Variants in MBD5 observed in about 807,000 individuals in gnomAD.
MBD5 encodes the protein methyl-CpG-binding domain protein 5.
A neutral mutation model predicts 117.3 loss-of-function variants in MBD5; 13 were observed. The observed-to-expected ratio is 0.11, with a 90% CI of 0.07 to 0.18. The LOEUF (loss-of-function observed/expected upper bound fraction) is 0.18, where lower values mean the gene tolerates loss of function less well. MBD5 is among the 10% of genes least tolerant of loss of function. The pLI is 1.00. For missense variants in MBD5, 1,879 were observed against 2,093.8 expected, an observed-to-expected ratio of 0.90 and a Z score of 2.00; for synonymous variants, 727 against 766.4, an observed-to-expected ratio of 0.95 and a Z score of 0.85.
At chr2:148,341,172 C>T (rs1176025238) in intron 3 of MBD5, among the ~76,000 whole-genome samples, 1 of 151,964 alleles carries the variant, frequency 6.6e-6, no homozygotes, top group African/African-American at 2.4e-5. Context: ...TCCTCCCACC[C>T]CAATACTGTT....
At chr2:148,280,151 CA>C (rs1474298212) in intron 3 of MBD5, among the ~76,000 whole-genome samples, 12 of 92,608 alleles carry the variant, frequency 1.3e-4, no homozygotes, top group African/African-American at 4.9e-4. Flanking sequence ...AAAAAAAAAA[CA>C]AAAAGAAAAA....
chr2:148,030,727 A>T (rs886810631), intron 1 of MBD5, among the ~76,000 whole-genome samples: 1 of 152,186 alleles, frequency 6.6e-6, no homozygotes, highest in African/African-American at 2.4e-5. Context: ...TCATGTAATG[A>T]TTTTTGATGA....
At chr2:148,034,405 C>T (rs879323164) in intron 1 of MBD5, among the ~76,000 whole-genome samples, 2 of 152,116 alleles carry the variant, frequency 1.3e-5, no homozygotes, top group African/African-American at 2.4e-5. Flanking sequence ...TGATTATCCT[C>T]GCACCTGAAA....
intron 1 of MBD5, among the ~76,000 whole-genome samples, chr2:148,063,774 T>G (rs2105012687): frequency 6.6e-6 from 1 of 152,246 alleles, no homozygotes; most frequent in African/African-American, 2.4e-5. Context: ...TGCTGTTTTC[T>G]TATTTTCCAA....
chr2:148,045,695 A>G (rs1049561510), intron 1 of MBD5, among the ~76,000 whole-genome samples: 1 of 152,174 alleles, frequency 6.6e-6, no homozygotes, highest in African/African-American at 2.4e-5. Context: ...TCACTTTCTC[A>G]AGTGTACTGG....
intron 4 of MBD5, among the ~76,000 whole-genome samples, chr2:148,447,987 C>T (rs1706619252): frequency 6.6e-6 from 1 of 152,034 alleles, no homozygotes; most frequent in Non-Finnish European, 1.5e-5. Flanking sequence ...TTTGGTTATA[C>T]TGAAACTCCC....
intron 1 of MBD5, among the ~76,000 whole-genome samples, chr2:148,056,834 A>G (rs1694878637): frequency 1.3e-5 from 2 of 151,866 alleles, no homozygotes; most frequent in Non-Finnish European, 2.9e-5. Flanking sequence ...AGTGAAATTC[A>G]TCTATAACCT....
At chr2:148,299,760 C>G (rs2106472997) in intron 3 of MBD5, among the ~76,000 whole-genome samples, 1 of 152,280 alleles carries the variant, frequency 6.6e-6, no homozygotes, top group East Asian at 1.9e-4. Flanking sequence ...TATGTATGAT[C>G]TCCATTTTCA....
chr2:148,206,292 G>T (rs997504167), intron 2 of MBD5, among the ~76,000 whole-genome samples: 6 of 152,010 alleles, frequency 3.9e-5, no homozygotes, highest in African/African-American at 7.3e-5. Flanking sequence ...TTACTAAGGG[G>T]AATCAGCCAA....
chr2:148,295,236 C>A (rs1328425063), intron 3 of MBD5, among the ~76,000 whole-genome samples: 8 of 152,090 alleles, frequency 5.3e-5, no homozygotes, highest in Admixed American at 1.3e-4. Flanking sequence ...TTACTACATT[C>A]TTTTTTCTCT....
At chr2:148,095,788 G>A (rs1414649859) in intron 1 of MBD5, among the ~76,000 whole-genome samples, 1 of 151,230 alleles carries the variant, frequency 6.6e-6, no homozygotes, top group Non-Finnish European at 1.5e-5. Flanking sequence ...TGCTATGAAC[G>A]AGAAGCATTT....
intron 4 of MBD5, among the ~76,000 whole-genome samples, chr2:148,427,482 CT>C (rs1342811232): frequency 1.3e-5 from 2 of 152,142 alleles, no homozygotes; most frequent in African/African-American, 2.4e-5. Flanking sequence ...AGTTCATGTC[CT>C]TTGTAGGGAC....
Position 148,513,404 on chromosome 2 carries a change from C to CA in MBD5, c.*464dup, listed in dbSNP as rs1682274725. The CA allele has an allele frequency of 5.9e-6, 1 of 168,098 alleles. No individual in the cohort carries two copies. Among genetic ancestry groups the CA allele is most frequent in the Non-Finnish European group, 1.3e-5 (1 of 76,596 alleles). 10.4% of individuals were successfully genotyped at this position (168,098 alleles called of 1,614,324 possible). Reference sequence around the variant, plus strand: ...AAAATTCTTTGGTTTCTATGGAGTACACCTACCAGAGACTACCAGTGTAAA... The same window carrying CA: ...AAAATTCTTTGGTTTCTATGGAGTACAACCTACCAGAGACTACCAGTGTAAA... On this transcript the variant is annotated 3_prime_UTR_variant, in exon 14 of 14. Transcript: ENST00000642680.
chr2:148,233,207 C>T (rs180945066), intron 2 of MBD5, 38 bp from the exon 3 acceptor site: 99 of 152,248 alleles, frequency 6.5e-4, no homozygotes, highest in African/African-American at 1.8e-3. Flanking sequence ...TGGATGTGTT[C>T]AAAATTGGTA....
intron 1 of MBD5, among the ~76,000 whole-genome samples, chr2:148,024,267 T>G (rs1222020705): frequency 6.6e-6 from 1 of 152,258 alleles, no homozygotes; most frequent in Admixed American, 6.5e-5. Flanking sequence ...AGGTTATTAC[T>G]ATTTTGAAAA....
At chr2:148,509,560 G>A (rs1318875981) in intron 12 of MBD5, among the ~76,000 whole-genome samples, 2 of 152,190 alleles carry the variant, frequency 1.3e-5, no homozygotes, top group African/African-American at 4.8e-5. Context: ...AACACGCACC[G>A]GCATTTCAGC....
intron 3 of MBD5, among the ~76,000 whole-genome samples, chr2:148,341,279 G>T (rs1313859938): frequency 1.3e-5 from 2 of 151,910 alleles, no homozygotes; most frequent in Admixed American, 6.6e-5. Context: ...CATACATCAG[G>T]CTGCTTAAAT....
At chr2:148,435,536 C>T (rs768959655) in intron 4 of MBD5, among the ~76,000 whole-genome samples, 2 of 151,960 alleles carry the variant, frequency 1.3e-5, no homozygotes, top group Non-Finnish European at 2.9e-5. Context: ...CTTAGATGGA[C>T]ATTTTTTTCT....
intron 1 of MBD5, among the ~76,000 whole-genome samples, chr2:148,175,144 G>C (rs979417565): frequency 6.6e-6 from 1 of 152,172 alleles, no homozygotes; most frequent in Non-Finnish European, 1.5e-5. Context: ...TTAAGTATTT[G>C]AGGTGGACAT....
Sources: allele counts gnomAD v4.1 joint callset (sites outside exome capture counted in the v4.1 genomes callset), GRCh38; gene constraint gnomAD v4.1.1; transcripts MANE v1.5; gene names NCBI Gene and HGNC (gene_info 2026-07-23, HGNC 2026-07-21).